Variants in SLC29A3 observed in about 807,000 individuals in gnomAD.
SLC29A3 encodes the protein solute carrier family 29 member 3.
Under a neutral mutation model 25.4 loss-of-function variants are expected in SLC29A3, and 18 were observed. The observed-to-expected ratio is 0.71, with a 90% CI of 0.49 to 1.05. SLC29A3 has a LOEUF of 1.05. Among genes scored for constraint, SLC29A3 ranks in the 50% least tolerant of loss-of-function variants. The probability of loss-of-function intolerance (pLI) is 0.00; values close to 1 mark genes in which losing one functional copy is unlikely to be tolerated. For synonymous variants in SLC29A3, 258 were observed against 267.1 expected, an observed-to-expected ratio of 0.97 and a Z score of 0.33; for missense variants, 586 against 609.0, an observed-to-expected ratio of 0.96 and a Z score of 0.40.
intron 2 of SLC29A3, among the ~76,000 whole-genome samples, chr10:71,323,455 A>G (rs1351399908): frequency 6.6e-6 from 1 of 152,272 alleles, no homozygotes; most frequent in Non-Finnish European, 1.5e-5. Flanking sequence ...AGGCCACCTC[A>G]TAGTGCAAGA....
At chr10:71,381,388 A>G (rs902630540), downstream of SLC29A3, 2 of 152,242 alleles carry the variant, frequency 1.3e-5, no homozygotes, top group Admixed American at 6.5e-5. Flanking sequence ...CAAAAGAGCA[A>G]AGCTCCTGTT....
At chr10:71,344,131 G>A (rs1846493295) in intron 2 of SLC29A3, 78 bp from the exon 3 acceptor site, 1 of 1,149,978 alleles carries the variant, frequency 8.7e-7, no homozygotes, top group Non-Finnish European at 1.3e-6. Flanking sequence ...ACAGAGAGGG[G>A]CCCTGTCTCT....
At chr10:71,343,905 A>G (rs1338950360) in intron 2 of SLC29A3, among the ~76,000 whole-genome samples, 1 of 152,210 alleles carries the variant, frequency 6.6e-6, no homozygotes. Flanking sequence ...GCCTCAGTCC[A>G]TGGGCAGAAG....
intron 5 of SLC29A3, among the ~76,000 whole-genome samples, chr10:71,361,571 G>T (rs1372568524): frequency 1.3e-5 from 2 of 152,212 alleles, no homozygotes; most frequent in African/African-American, 4.8e-5. Context: ...ATTTGGGTTT[G>T]TTGTATCAAG....
intron 4 of SLC29A3, among the ~76,000 whole-genome samples, chr10:71,353,157 A>G (rs1399418124): frequency 6.6e-6 from 1 of 152,208 alleles, no homozygotes; most frequent in Non-Finnish European, 1.5e-5. Flanking sequence ...AGTTACTCTC[A>G]GCAGATCAGA....
Position 71,363,070 on chromosome 10 carries a change from T to A in SLC29A3, c.*462T>A, listed in dbSNP as rs1167369628. ...TGAAGGGGTCTCCCTGGAATGGAAG[T>A]CCCCTGGCATGGTCAGTCCTCAGGC... is the stretch of plus-strand genomic sequence containing the variant. On this transcript the variant is annotated 3_prime_UTR_variant, in exon 6 of 6. Transcript: ENST00000373189. 4 of 452,476 alleles carry A rather than the reference T, an allele frequency of 8.8e-6. No individual in the cohort carries two copies. The highest frequency in any genetic ancestry group is 1.8e-5 in the Non-Finnish European group (4 of 225,758). 28.0% of individuals were successfully genotyped at this position (452,476 alleles called of 1,614,324 possible). A position where few individuals can be genotyped will look rare whatever the true frequency, so the allele number is the denominator to read the frequency against.
intron 3 of SLC29A3, among the ~76,000 whole-genome samples, chr10:71,373,030 G>T (rs979174398): frequency 1.7e-4 from 26 of 152,320 alleles, no homozygotes; most frequent in African/African-American, 6.0e-4. Context: ...CTGGGGAGCA[G>T]TGGGTGAGGG....
intron 4 of SLC29A3, among the ~76,000 whole-genome samples, chr10:71,355,879 C>T (rs1351530780): frequency 6.6e-6 from 1 of 152,202 alleles, no homozygotes; most frequent in Non-Finnish European, 1.5e-5. Context: ...AAAATGACCC[C>T]CTTGGAAACT....
downstream of SLC29A3, among the ~76,000 whole-genome samples, chr10:71,366,896 A>G (rs1847174864): frequency 6.6e-6 from 1 of 152,176 alleles, no homozygotes; most frequent in African/African-American, 2.4e-5. Flanking sequence ...TGGTGGCAGC[A>G]TTGTCAGTGC....
intron 4 of SLC29A3, among the ~76,000 whole-genome samples, chr10:71,377,868 T>A (rs940431382): frequency 4.2e-5 from 2 of 47,444 alleles, no homozygotes; most frequent in Non-Finnish European, 9.4e-5. Flanking sequence ...AAGTTGTAAA[T>A]GAGAAAATAG....
At chr10:71,331,318 G>A (rs553247365) in intron 2 of SLC29A3, among the ~76,000 whole-genome samples, 20 of 152,242 alleles carry the variant, frequency 1.3e-4, no homozygotes, top group Non-Finnish European at 2.6e-4. Flanking sequence ...AGAGACAGAG[G>A]AGACAGCAAA....
intron 2 of SLC29A3, among the ~76,000 whole-genome samples, chr10:71,328,024 A>C (rs1324404164): frequency 6.6e-6 from 1 of 152,080 alleles, no homozygotes; most frequent in Non-Finnish European, 1.5e-5. Flanking sequence ...CCTACCCCGG[A>C]GAGAAGAGTG....
intron 5 of SLC29A3, among the ~76,000 whole-genome samples, chr10:71,358,815 C>G (rs1846981124): frequency 6.6e-6 from 1 of 152,214 alleles, no homozygotes; most frequent in Admixed American, 6.5e-5. Flanking sequence ...CAGCCTAGCT[C>G]CTAGTCTCAT....
At chr10:71,378,097 G>C (rs1461843052) in intron 4 of SLC29A3, among the ~76,000 whole-genome samples, 2 of 39,314 alleles carry the variant, frequency 5.1e-5, no homozygotes, top group Non-Finnish European at 9.6e-5. Context: ...GACAATGTTG[G>C]GGGGGGGGGT....
intron 4 of SLC29A3, among the ~76,000 whole-genome samples, chr10:71,379,295 T>C (rs765334530): frequency 1.3e-5 from 2 of 152,220 alleles, no homozygotes; most frequent in Non-Finnish European, 2.9e-5. Context: ...ACTAAGTTTC[T>C]GAATTAGGCC....
intron 2 of SLC29A3, among the ~76,000 whole-genome samples, chr10:71,333,034 A>G (rs527831065): frequency 1.9e-4 from 29 of 152,380 alleles, no homozygotes; most frequent in African/African-American, 7.0e-4. Context: ...CTTAAAATCC[A>G]GAGGCGATTT....
intron 2 of SLC29A3, among the ~76,000 whole-genome samples, chr10:71,340,256 T>C (rs997047227): frequency 1.8e-4 from 28 of 152,294 alleles, no homozygotes; most frequent in African/African-American, 6.5e-4. Context: ...AAGGCCCACA[T>C]TGACCCCCAG....
At chr10:71,373,117 G>A (rs1374662650) in intron 3 of SLC29A3, among the ~76,000 whole-genome samples, 2 of 152,302 alleles carry the variant, frequency 1.3e-5, no homozygotes, top group East Asian at 3.9e-4. Flanking sequence ...CTGAGGTGAT[G>A]TTAACTGTTT....
chr10:71,354,917 G>T (rs1246067262), intron 4 of SLC29A3, among the ~76,000 whole-genome samples: 1 of 152,220 alleles, frequency 6.6e-6, no homozygotes, highest in Non-Finnish European at 1.5e-5. Flanking sequence ...TAAGTGATCA[G>T]CCCACGCTGG....
Sources: allele counts gnomAD v4.1 joint callset (sites outside exome capture counted in the v4.1 genomes callset), GRCh38; gene constraint gnomAD v4.1.1; transcripts MANE v1.5; gene names NCBI Gene and HGNC (gene_info 2026-07-23, HGNC 2026-07-21).